The following NT5C3A variants were observed in gnomAD, a reference collection of about 807,000 sequenced individuals.
The protein encoded by NT5C3A is cytosolic 5'-nucleotidase 3A.
Under a neutral mutation model 40.0 loss-of-function variants are expected in NT5C3A, and 23 were observed. The observed-to-expected ratio is 0.58, with a 90% CI of 0.41 to 0.81. NT5C3A has a LOEUF of 0.81. Ranked by LOEUF, NT5C3A falls within the 40% of genes least tolerant of loss-of-function variation. The pLI is 0.00. For synonymous variants in NT5C3A, 130 were observed against 141.4 expected, an observed-to-expected ratio of 0.92 and a Z score of 0.57; for missense variants, 328 against 403.0, an observed-to-expected ratio of 0.81 and a Z score of 1.59.
Position 33,035,869 on chromosome 7 carries a change from G to C in NT5C3A, c.139-8954C>G. 2.4e-6 allele frequency: 3 copies of C among 1,269,246 alleles called. No homozygotes were observed. The Admixed American group carries it at 5.0e-5, about 21-fold the overall frequency. The allele number at this position is 1,269,246 out of a possible 1,614,324, so 78.6% of individuals were successfully genotyped here. On this transcript the variant is annotated intron_variant, in intron 1 of 8. Coordinates refer to ENST00000610140, the MANE Select transcript of NT5C3A (RefSeq NM_001002010.5). ...TCAGTCCCATAATTATCTGGTTAGAGACAGAGGTAAAAGTGGTGAAGATTT... is the reference window on the plus strand; with the variant it reads ...TCAGTCCCATAATTATCTGGTTAGACACAGAGGTAAAAGTGGTGAAGATTT...
chr7:33,031,422 T>C (rs924927964), intron 1 of NT5C3A, among the ~76,000 whole-genome samples: 3 of 151,746 alleles, frequency 2.0e-5, no homozygotes, highest in Non-Finnish European at 4.4e-5. Flanking sequence ...ACCCTGTCTC[T>C]ACAAACAATA....
intron 1 of NT5C3A, chr7:33,029,244 ATT>A: frequency 1.3e-5 from 2 of 153,716 alleles, no homozygotes; most frequent in South Asian, 1.9e-4. Context: ...ACTGGTTCCT[ATT>A]TTTTTTTTTC....
chr7:33,048,185 T>C (rs1787230030), intron 1 of NT5C3A, among the ~76,000 whole-genome samples: 1 of 151,850 alleles, frequency 6.6e-6, no homozygotes, highest in Non-Finnish European at 1.5e-5. Context: ...TTTGTGTGTG[T>C]GTGTGTGTGT....
intron 1 of NT5C3A, among the ~76,000 whole-genome samples, chr7:33,059,050 C>T (rs928032207): frequency 2.0e-5 from 3 of 152,206 alleles, no homozygotes; most frequent in Non-Finnish European, 4.4e-5. Context: ...TATTCCACCT[C>T]TGACAGCTTT....
At chr7:33,018,583 G>C (rs950179475) in intron 6 of NT5C3A, among the ~76,000 whole-genome samples, 1 of 152,254 alleles carries the variant, frequency 6.6e-6, no homozygotes, top group Non-Finnish European at 1.5e-5. Context: ...GGGCGCAGTG[G>C]CTCACGCCTG....
chr7:33,053,768 G>A (rs1427927767), intron 1 of NT5C3A, among the ~76,000 whole-genome samples: 1 of 152,060 alleles, frequency 6.6e-6, no homozygotes, highest in Admixed American at 6.6e-5. Flanking sequence ...GTTCAAAGGG[G>A]ACTCCATCTG....
At chr7:33,049,969 CAAAAAA>C (rs61035673) in intron 1 of NT5C3A, among the ~76,000 whole-genome samples, 3 of 58,474 alleles carry the variant, frequency 5.1e-5, no homozygotes, top group East Asian at 4.7e-4. Context: ...GACTCCATCT[CAAAAAA>C]AAAAAAAAAA....
intron 1 of NT5C3A, among the ~76,000 whole-genome samples, chr7:33,057,839 A>C (rs1787629704): frequency 6.6e-6 from 1 of 152,180 alleles, no homozygotes. Context: ...TCTAGTGACC[A>C]TTCCATCTCC....
chr7:33,038,384 G>T (rs1786722111), intron 1 of NT5C3A, among the ~76,000 whole-genome samples: 1 of 151,826 alleles, frequency 6.6e-6, no homozygotes, highest in Admixed American at 6.6e-5. Flanking sequence ...CATACATTTT[G>T]AGTTTAAAGG....
intron 1 of NT5C3A, among the ~76,000 whole-genome samples, chr7:33,057,872 T>G (rs1032305840): frequency 1.3e-5 from 2 of 152,226 alleles, no homozygotes; most frequent in Non-Finnish European, 2.9e-5. Flanking sequence ...TCTAAATAAT[T>G]TCCTCCCTTC....
At chr7:33,018,106 G>A (rs143428817) in intron 6 of NT5C3A, among the ~76,000 whole-genome samples, 221 of 152,314 alleles carry the variant, frequency 1.5e-3, no homozygotes, top group Non-Finnish European at 2.8e-3. Flanking sequence ...ACACTGAGAA[G>A]GATGGAGTCC....
intron 5 of NT5C3A, 67 bp downstream of exon 5, chr7:33,021,205 T>C: frequency 1.3e-6 from 2 of 1,595,004 alleles, no homozygotes; most frequent in Non-Finnish European, 1.7e-6. Context: ...AAATAAGCCA[T>C]CAGTTGTAAC....
rs1430301838 is a variant in NT5C3A at position 33,021,373 on chromosome 7, T to G, written c.355-16A>C. 1 of 1,607,906 alleles carries G rather than the reference T, an allele frequency of 6.2e-7. No individual in the cohort carries two copies. The highest frequency in any genetic ancestry group is 1.7e-5 in the Admixed American group (1 of 59,724). On this transcript the variant is annotated splice_polypyrimidine_tract_variant and intron_variant, in intron 4 of 8. Coordinates refer to ENST00000610140, the MANE Select transcript of NT5C3A (RefSeq NM_001002010.5). ...GTTGCAATAACTAGGAAGATATGAA[T>G]AACTTAATCATGAAGATTACTTGAA...
intron 6 of NT5C3A, among the ~76,000 whole-genome samples, chr7:33,019,240 A>G (rs1247112295): frequency 6.6e-6 from 1 of 150,496 alleles, no homozygotes; most frequent in African/African-American, 2.4e-5. Context: ...TGGGCAACAG[A>G]GAGAGACCCT....
intron 4 of NT5C3A, among the ~76,000 whole-genome samples, chr7:33,021,620 T>A (rs1785634710): frequency 6.6e-6 from 1 of 152,190 alleles, no homozygotes; most frequent in Admixed American, 6.5e-5. Context: ...ACTTTAGTTT[T>A]CATATAAAGG....
intron 1 of NT5C3A, among the ~76,000 whole-genome samples, chr7:33,052,835 A>C (rs947942749): frequency 6.6e-6 from 1 of 152,174 alleles, no homozygotes; most frequent in South Asian, 2.1e-4. Flanking sequence ...GTCCAACCTC[A>C]AAGTTTCTGA....
chr7:33,041,115 G>A (rs1444177764), intron 1 of NT5C3A: 1 of 985,062 alleles, frequency 1.0e-6, no homozygotes, highest in East Asian at 1.1e-4. Flanking sequence ...GACGATTAAA[G>A]AGAAGGTAAA....
chr7:33,035,431 G>C (rs1053069412), intron 1 of NT5C3A, among the ~76,000 whole-genome samples: 1 of 152,040 alleles, frequency 6.6e-6, no homozygotes, highest in Non-Finnish European at 1.5e-5. Context: ...CTGACCTGGT[G>C]ATCCGCCCGC....
chr7:33,016,687 A>AG (rs10699367), intron 7 of NT5C3A, among the ~76,000 whole-genome samples: 5 of 151,084 alleles, frequency 3.3e-5, no homozygotes, highest in African/African-American at 1.2e-4. Flanking sequence ...AAAAAAAAAA[A>AG]GGTAAAACAA....
Sources: gnomAD v4.1 joint callset for allele counts (sites outside exome capture counted in the v4.1 genomes callset) on GRCh38, gnomAD v4.1.1 for gene constraint, MANE v1.5 for transcripts, NCBI Gene and HGNC (gene_info 2026-07-23, HGNC 2026-07-21) for gene names.